The following MTFR1 variants were observed in gnomAD, a reference collection of about 807,000 sequenced individuals.
MTFR1 encodes chondrocyte protein with a poly-proline region.
In MTFR1, 28 loss-of-function variants were observed where a neutral mutation model predicts 38.8. The ratio of observed to expected loss-of-function variants is 0.72; its 90% CI spans 0.53 to 0.99. MTFR1 has a LOEUF of 0.99. Ranked by LOEUF, MTFR1 falls within the 50% of genes least tolerant of loss-of-function variation. The pLI is 0.00. For synonymous variants in MTFR1, 145 were observed against 137.0 expected, an observed-to-expected ratio of 1.06 and a Z score of -0.41; for missense variants, 358 against 395.5, an observed-to-expected ratio of 0.91 and a Z score of 0.81.
At chr8:65,720,960 C>T (rs2129063817) in intron 3 of MTFR1, among the ~76,000 whole-genome samples, 1 of 152,272 alleles carries the variant, frequency 6.6e-6, no homozygotes, top group Middle Eastern at 3.4e-3. Context: ...TTATTTCATC[C>T]CTCTCACTGT....
At chr8:65,768,454 C>T (rs1262075561) in intron 3 of MTFR1, among the ~76,000 whole-genome samples, 2 of 152,168 alleles carry the variant, frequency 1.3e-5, no homozygotes. Context: ...AGTTTCCCTG[C>T]ACAACCTCTC....
downstream of MTFR1, among the ~76,000 whole-genome samples, chr8:65,710,978 C>CATATAT (rs201983025): frequency 4.4e-3 from 662 of 149,844 alleles, 17 homozygotes; most frequent in East Asian, 5.3e-3. Flanking sequence ...GAGGGACTCT[C>CATATAT]ATATATATAT....
In MTFR1 at chr8:65,646,035, A is replaced by G. The variant is rs73690893; in HGVS notation, c.-81+1251A>G. ...TAGGTAACTGCTACAGTGCAGTTTC[A>G]TTATCTTGTGCTCAGGTTTTCAAAA... is the stretch of plus-strand genomic sequence containing the variant. On this transcript the variant is annotated intron_variant, in intron 1 of 7. Coordinates refer to ENST00000262146, the MANE Select transcript of MTFR1 (RefSeq NM_014637.4). Among the ~76,000 whole-genome samples, 1,160 of 152,300 alleles carry G rather than the reference A, an allele frequency of 7.6e-3. 6 individuals carry two copies. Among genetic ancestry groups the G allele is most frequent in the African/African-American group, 0.025 (1,050 of 41,552 alleles).
At chr8:65,719,745 G>A (rs573065258) in intron 3 of MTFR1, 2 of 471,246 alleles carry the variant, frequency 4.2e-6, no homozygotes, top group East Asian at 7.3e-5. Context: ...AACCTTTTCT[G>A]GTTATCCTTC....
chr8:65,687,734 CTGT>C (rs1165720719), intron 3 of MTFR1, among the ~76,000 whole-genome samples: 1 of 152,098 alleles, frequency 6.6e-6, no homozygotes, highest in Non-Finnish European at 1.5e-5. Context: ...GTCTTTCAGA[CTGT>C]TGTTCTTTAC....
intron 3 of MTFR1, among the ~76,000 whole-genome samples, chr8:65,685,814 G>T (rs1336921770): frequency 6.6e-6 from 1 of 152,186 alleles, no homozygotes; most frequent in Non-Finnish European, 1.5e-5. Flanking sequence ...AAGTAGTATA[G>T]CATGGGGGAG....
At chr8:65,724,763 A>G (rs1163914082) in intron 3 of MTFR1, 1 of 1,595,336 alleles carries the variant, frequency 6.3e-7, no homozygotes, top group Admixed American at 1.8e-5. Flanking sequence ...GAATGTTTCC[A>G]AGCCCCATTT....
chr8:65,668,435 G>T (rs554337560), intron 1 of MTFR1, among the ~76,000 whole-genome samples: 1 of 144,940 alleles, frequency 6.9e-6, no homozygotes, highest in African/African-American at 2.6e-5. Flanking sequence ...TGATCCGCCC[G>T]CCTCAGCCCC....
At chr8:65,663,822 CTTTT>C (rs1035579864) in intron 1 of MTFR1, among the ~76,000 whole-genome samples, 1 of 78,578 alleles carries the variant, frequency 1.3e-5, no homozygotes, top group Non-Finnish European at 2.5e-5. Context: ...AATTTCTTTT[CTTTT>C]TTTTTTTTTT....
At chr8:65,737,168 T>C (rs1389746185) in intron 3 of MTFR1, among the ~76,000 whole-genome samples, 1 of 152,070 alleles carries the variant, frequency 6.6e-6, no homozygotes, top group African/African-American at 2.4e-5. Flanking sequence ...CCAAGGACAG[T>C]ATAGAGCCAA....
chr8:65,709,138 CT>C lies in MTFR1; in HGVS notation c.*97del. ...AATCGACACTGTTTAGTAAATACCT[CT>C]TTAGTATTCAGTGGTCTTCTTTTCA... is the stretch of plus-strand genomic sequence containing the variant. On this transcript the variant is annotated 3_prime_UTR_variant, in exon 8 of 8. Transcript: ENST00000262146. 1 of 1,066,692 alleles carries C rather than the reference CT, an allele frequency of 9.4e-7. No individual in the cohort carries two copies. The highest frequency in any genetic ancestry group is 1.4e-6 in the Non-Finnish European group (1 of 690,472). The allele number at this position is 1,066,692 out of a possible 1,614,324, so 66.1% of individuals were successfully genotyped here.
exon 4 of MTFR1, chr8:65,770,999 C>A: frequency 2.9e-6 from 1 of 349,152 alleles, no homozygotes; most frequent in Non-Finnish European, 5.7e-6. Context: ...ATGGCAAATC[C>A]TACTGAAGAT....
intron 3 of MTFR1, among the ~76,000 whole-genome samples, chr8:65,688,510 G>A (rs1244182386): frequency 1.4e-5 from 2 of 146,424 alleles, no homozygotes; most frequent in African/African-American, 2.5e-5. Flanking sequence ...GTGCAGTGGC[G>A]CAATCTCGGC....
chr8:65,764,545 A>G (rs972670085), intron 3 of MTFR1, among the ~76,000 whole-genome samples: 2 of 152,226 alleles, frequency 1.3e-5, no homozygotes, highest in African/African-American at 4.8e-5. Context: ...TGCATGGCTG[A>G]GGGAAATGCT....
intron 3 of MTFR1, among the ~76,000 whole-genome samples, chr8:65,735,753 G>A (rs1585844490): frequency 6.6e-6 from 1 of 152,098 alleles, no homozygotes; most frequent in African/African-American, 2.4e-5. Context: ...AGCCACCCGA[G>A]TAGCTGGGAT....
At chr8:65,713,489 A>C (rs922819523), downstream of MTFR1, among the ~76,000 whole-genome samples, 9 of 136,402 alleles carry the variant, frequency 6.6e-5, no homozygotes, top group African/African-American at 1.9e-4. Flanking sequence ...CACACAAACA[A>C]AACAAAAACA....
intron 1 of MTFR1, among the ~76,000 whole-genome samples, chr8:65,668,002 C>A (rs1349735314): frequency 6.6e-6 from 1 of 151,990 alleles, no homozygotes; most frequent in Non-Finnish European, 1.5e-5. Flanking sequence ...TTTGTGGCAC[C>A]TTTACTTTTT....
chr8:65,662,937 C>A (rs1487739273), intron 1 of MTFR1, among the ~76,000 whole-genome samples: 1 of 151,622 alleles, frequency 6.6e-6, no homozygotes, highest in Non-Finnish European at 1.5e-5. Flanking sequence ...TGGCCAGCCA[C>A]CCCGTCCGGG....
chr8:65,677,956 C>T (rs1804762497), intron 2 of MTFR1, among the ~76,000 whole-genome samples: 1 of 146,858 alleles, frequency 6.8e-6, no homozygotes, highest in Non-Finnish European at 1.5e-5. Flanking sequence ...GCAGAGGTTG[C>T]AGTGAGCTGA....
Sources: gnomAD v4.1 joint callset for allele counts (sites outside exome capture counted in the v4.1 genomes callset) on GRCh38, gnomAD v4.1.1 for gene constraint, MANE v1.5 for transcripts, NCBI Gene and HGNC (gene_info 2026-07-23, HGNC 2026-07-21) for gene names.